C3orf22: variants seen among roughly 807,000 people sequenced by gnomAD.
C3orf22 encodes the protein uncharacterized protein C3orf22.
A neutral mutation model predicts 10.8 loss-of-function variants in C3orf22; 7 were observed. The ratio of observed to expected loss-of-function variants is 0.65; its 90% CI spans 0.37 to 1.22. C3orf22 has a LOEUF of 1.22. Ranked by LOEUF, C3orf22 falls within the 50% of genes most tolerant of loss-of-function variation. The pLI is 0.02. For synonymous variants in C3orf22, 79 were observed against 78.9 expected (o/e 1.00, Z 0.00); for missense variants, 173 against 177.0 (o/e 0.98, Z 0.13).
At chr3:126,551,924 A>G in intron 3 of C3orf22, 73 bp downstream of exon 3, 1 of 1,509,930 alleles carries the variant, frequency 6.6e-7, no homozygotes, top group Non-Finnish European at 8.9e-7. Context: ...GTCTGCATGC[A>G]AAACTGGGGG....
In C3orf22 at chr3:126,549,784, C is replaced by A; in HGVS notation, c.*84G>T. ...CTATGATGGCCATGAAGGCTGATCCCTTTACTAAAGTCTCTGTGGCTACTG... is the reference window on the plus strand; with the variant it reads ...CTATGATGGCCATGAAGGCTGATCCATTTACTAAAGTCTCTGTGGCTACTG... On this transcript the variant is annotated 3_prime_UTR_variant, in exon 4 of 4. Coordinates refer to ENST00000318225, the MANE Select transcript of C3orf22 (RefSeq NM_152533.3). 1 of 1,524,810 alleles carries A rather than the reference C, an allele frequency of 6.6e-7. No homozygotes were observed. Among genetic ancestry groups the A allele is most frequent in the East Asian group, 2.4e-5 (1 of 42,088 alleles). 94.5% of individuals were successfully genotyped at this position (1,524,810 alleles called of 1,614,324 possible). A position where few individuals can be genotyped will look rare whatever the true frequency, so the allele number is the denominator to read the frequency against.
At chr3:126,540,464 C>G (rs1936935060) in intron 4 of C3orf22, among the ~76,000 whole-genome samples, 1 of 152,156 alleles carries the variant, frequency 6.6e-6, no homozygotes, top group South Asian at 2.1e-4. Context: ...CTCTAGGGAC[C>G]TCACTAAGTG....
intron 4 of C3orf22, chr3:126,541,715 G>A (rs1278138701): frequency 7.0e-6 from 10 of 1,436,626 alleles, no homozygotes; most frequent in Non-Finnish European, 8.2e-6. Flanking sequence ...CCCCTGTCCC[G>A]TCTCCTGTCG....
intron 4 of C3orf22, among the ~76,000 whole-genome samples, chr3:126,540,876 T>C (rs941874940): frequency 3.3e-5 from 5 of 152,234 alleles, no homozygotes; most frequent in African/African-American, 1.2e-4. Flanking sequence ...TTCCTAATTG[T>C]CTTTTTAATT....
At chr3:126,530,460 G>GC (rs1159164321) in intron 4 of C3orf22, among the ~76,000 whole-genome samples, 1 of 152,200 alleles carries the variant, frequency 6.6e-6, no homozygotes, top group Non-Finnish European at 1.5e-5. Context: ...CACTGCAACT[G>GC]CCCCTCCACC....
chr3:126,552,309 G>A (rs1937209709), intron 2 of C3orf22, among the ~76,000 whole-genome samples, 187 bp from the exon 3 acceptor site: 1 of 152,268 alleles, frequency 6.6e-6, no homozygotes. Context: ...AGGAAACTGA[G>A]GCACAGAGGT....
intron 1 of C3orf22, among the ~76,000 whole-genome samples, chr3:126,558,347 G>A (rs1937402840): frequency 6.6e-6 from 1 of 152,148 alleles, no homozygotes; most frequent in Admixed American, 6.6e-5. Context: ...TCCTGAACCG[G>A]GGAAGCAGCA....
At chr3:126,535,088 CG>C (rs1936746552) in intron 4 of C3orf22, among the ~76,000 whole-genome samples, 1 of 135,796 alleles carries the variant, frequency 7.4e-6, no homozygotes, top group African/African-American at 2.9e-5. Context: ...TGTCCCCAGC[CG>C]GGAGACAGAT....
At position 126,549,878 on chromosome 3, in the gene C3orf22, C is replaced by T. The variant is rs1000843897; in HGVS notation, c.416G>A (p.Gly139Asp). The T allele has an allele frequency of 6.2e-7, 1 of 1,612,568 alleles. No individual in the cohort carries two copies. Among genetic ancestry groups the T allele is most frequent in the Non-Finnish European group, 8.5e-7 (1 of 1,179,338 alleles). ...QTSKAAGLSR[G>D]LS ...CACAGAGCCCAGTCTCTAGGAGAGG[C>T]CCCTGGACAGCCCTGCCGCCTTGCT... Residue 139 changes from glycine to aspartate, a missense_variant, in exon 4 of 4, where the codon GGC becomes GAC. Physicochemically the swap from Gly to Asp is moderately conservative, Grantham distance 94. Coordinates refer to ENST00000318225, the MANE Select transcript of C3orf22 (RefSeq NM_152533.3).
chr3:126,542,335 C>A, intron 4 of C3orf22: 2 of 1,566,498 alleles, frequency 1.3e-6, no homozygotes, highest in East Asian at 2.4e-5. Flanking sequence ...GCCTCCGCTA[C>A]GACGTCGTGG....
intron 4 of C3orf22, among the ~76,000 whole-genome samples, chr3:126,532,881 G>C (rs536716115): frequency 6.6e-6 from 1 of 152,274 alleles, no homozygotes; most frequent in Admixed American, 6.5e-5. Context: ...ACAACATTAA[G>C]TATTCCAATC....
At chr3:126,549,274 T>C (rs72971115), downstream of C3orf22, among the ~76,000 whole-genome samples, 3,645 of 128,906 alleles carry the variant, frequency 0.028, 198 homozygotes, top group African/African-American at 0.11. Context: ...CACACACACA[T>C]ACACACACCG....
rs185520007 is a variant in C3orf22, at chr3:126,540,939, T to C, written c.286+8598A>G. 2.0e-5 allele frequency among the ~76,000 whole-genome samples: 3 copies of C among 152,376 alleles called. No individual in the cohort carries two copies. The East Asian group carries it at 5.8e-4, about 29-fold the overall frequency. ...TAAGAAGTTAAAACACTTTCTTTTA[T>C]GAACTCTTACACAAAAAATCATAGG... On this transcript the variant is annotated intron_variant and NMD_transcript_variant, in intron 4 of 5. Coordinates refer to the C3orf22 transcript ENST00000505070.
intron 4 of C3orf22, chr3:126,541,714 C>T (rs1010238518): frequency 3.5e-6 from 5 of 1,436,138 alleles, no homozygotes; most frequent in African/African-American, 1.5e-5. Flanking sequence ...CCCCCTGTCC[C>T]GTCTCCTGTC....
chr3:126,547,962 A>AAT, downstream of C3orf22, among the ~76,000 whole-genome samples: 2 of 152,350 alleles, frequency 1.3e-5, no homozygotes, highest in Admixed American at 1.3e-4. Context: ...GACTCTTAGC[A>AAT]ACTTGCTGTG....
At chr3:126,530,961 C>T (rs1389324975) in intron 4 of C3orf22, among the ~76,000 whole-genome samples, 1 of 152,274 alleles carries the variant, frequency 6.6e-6, no homozygotes, top group African/African-American at 2.4e-5. Flanking sequence ...GGCAGCAGGA[C>T]CCTGGACAGT....
At chr3:126,541,049 G>A (rs1936947675) in intron 4 of C3orf22, among the ~76,000 whole-genome samples, 1 of 152,172 alleles carries the variant, frequency 6.6e-6, no homozygotes, top group South Asian at 2.1e-4. Flanking sequence ...GGAAGCGCTG[G>A]CCTGGGTCTC....
In C3orf22 at chr3:126,556,999, CACAT is replaced by C. The variant is rs1310340479; in HGVS notation, c.-41+1624_-41+1627del. On this transcript the variant is annotated intron_variant, in intron 1 of 3. Transcript: ENST00000318225. ...ATACACACACATACAGACACATAGA[CACAT>C]ACACACAGACCCACACAAACTCACA... 9.0e-3 allele frequency among the ~76,000 whole-genome samples: 623 copies of C among 69,076 alleles called. 2 individuals are homozygous for C. Among genetic ancestry groups the C allele is most frequent in the African/African-American group, 0.029 (568 of 19,898 alleles). The allele number at this position is 69,076 out of a possible 152,430, so 45.3% of individuals were successfully genotyped here.
At chr3:126,551,270 C>T (rs976861357) in intron 3 of C3orf22, among the ~76,000 whole-genome samples, 4 of 152,096 alleles carry the variant, frequency 2.6e-5, no homozygotes, top group African/African-American at 9.7e-5. Context: ...CTGACATTAA[C>T]TGGAGTGGGC....
Sources: gnomAD v4.1 joint callset for allele counts (sites outside exome capture counted in the v4.1 genomes callset) on GRCh38, gnomAD v4.1.1 for gene constraint, MANE v1.5 for transcripts, NCBI Gene and HGNC (gene_info 2026-07-23, HGNC 2026-07-21) for gene names.